The following TNK2 variants were observed in gnomAD, a reference collection of about 807,000 sequenced individuals.
TNK2 encodes the protein activated CDC42 kinase 1.
Under a neutral mutation model 101.8 loss-of-function variants are expected in TNK2, and 83 were observed. The ratio of observed to expected loss-of-function variants is 0.82; its 90% CI spans 0.68 to 0.98. The LOEUF is 0.98. Ranked by LOEUF, TNK2 falls within the 50% of genes least tolerant of loss-of-function variation. The pLI, the probability that TNK2 is intolerant of heterozygous loss-of-function variation, is 0.00. For missense variants in TNK2, 1,665 were observed against 1,483.2 expected, an observed-to-expected ratio of 1.12 and a Z score of -2.01; for synonymous variants, 804 against 633.0, an observed-to-expected ratio of 1.27 and a Z score of -4.06.
chr3:195,881,561 G>GTCC (rs1752940992), intron 6 of TNK2, among the ~76,000 whole-genome samples: 1 of 86,484 alleles, frequency 1.2e-5, no homozygotes. Context: ...CCCTTGAAGA[G>GTCC]GACACAGCAT....
At chr3:195,905,333 G>A (rs945393291) in intron 1 of TNK2, among the ~76,000 whole-genome samples, 1 of 152,060 alleles carries the variant, frequency 6.6e-6, no homozygotes, top group Non-Finnish European at 1.5e-5. Flanking sequence ...CTGAGTAGCT[G>A]GGATTACAGG....
chr3:195,883,569 AAAGT>A (rs766098447), intron 4 of TNK2: 115 of 462,682 alleles, frequency 2.5e-4, no homozygotes, highest in Non-Finnish European at 3.8e-4. Flanking sequence ...TACCAACCAA[AAAGT>A]AAGAGATAAC....
At chr3:195,907,877 G>A (rs1761901222) in intron 1 of TNK2, among the ~76,000 whole-genome samples, 1 of 152,224 alleles carries the variant, frequency 6.6e-6, no homozygotes, top group Non-Finnish European at 1.5e-5. Flanking sequence ...AGAGACGAGA[G>A]GGCTCACCAG....
chr3:195,870,490 C>T (rs1176128211), intron 10 of TNK2: 7 of 1,050,146 alleles, frequency 6.7e-6, no homozygotes, highest in Middle Eastern at 3.2e-4. Flanking sequence ...ACCCCCCAGG[C>T]CCCCAGCCCA....
In TNK2 at chr3:195,868,633, T is replaced by G. The variant is rs1339981038; in HGVS notation, c.1665A>C (p.Pro555=). 2.5e-6 allele frequency: 4 copies of G among 1,593,426 alleles called. No homozygotes were observed. Among genetic ancestry groups the G allele is most frequent in the African/African-American group, 2.7e-5 (2 of 74,472 alleles). The change falls in exon 13 of 16, where the codon CCA becomes CCC. Residue 555 remains proline, a synonymous_variant. Transcript: ENST00000672887. The part of the protein sequence containing the change: ...SDFKRLGLRK[P]GLPRGLWLAK... ...CCAGCCACAGCCCTCGGGGCAGGCC[T>G]GGCTTCCGCAGGCCCAGCCTCTTGA...
At chr3:195,868,932 C>A in intron 12 of TNK2, 4 of 564,402 alleles carry the variant, frequency 7.1e-6, no homozygotes, top group South Asian at 6.9e-5. Flanking sequence ...CCATGTGGGC[C>A]GGTGAGCCCC....
chr3:195,892,833 TCC>T, intron 1 of TNK2: 2 of 779,152 alleles, frequency 2.6e-6, no homozygotes, highest in Non-Finnish European at 3.2e-6. Flanking sequence ...TCTCCCTCTC[TCC>T]CTCCCTCCCC....
intron 1 of TNK2, among the ~76,000 whole-genome samples, chr3:195,907,116 C>T (rs1030611100): frequency 1.3e-5 from 2 of 152,228 alleles, no homozygotes; most frequent in African/African-American, 2.4e-5. Flanking sequence ...AAAACGCCGA[C>T]CTGAAATAAG....
Position 195,908,469 on chromosome 3 carries a change from G to A in TNK2, c.-19+16C>T, listed in dbSNP as rs1159361363. The A allele has an allele frequency of 2.0e-5, 3 of 152,648 alleles. No homozygotes were observed. Among genetic ancestry groups the A allele is most frequent in the Admixed American group, 2.0e-4 (3 of 15,282 alleles). 9.5% of individuals were successfully genotyped at this position (152,648 alleles called of 1,614,324 possible). ...CAAGCACACCAACTCCAGCTAACAG[G>A]ACTGGGCTTCCTTACCTGCCGCCTT... On this transcript the variant is annotated intron_variant, in intron 1 of 15. Transcript: ENST00000672887.
intron 10 of TNK2, chr3:195,870,524 G>C: frequency 1.5e-6 from 1 of 676,304 alleles, no homozygotes; most frequent in Non-Finnish European, 2.2e-6. Context: ...CCAGAGGGCA[G>C]ACACTCCTGT....
intron 1 of TNK2, among the ~76,000 whole-genome samples, chr3:195,903,055 A>C (rs1160882647): frequency 2.7e-5 from 4 of 146,458 alleles, no homozygotes; most frequent in Admixed American, 6.8e-5. Context: ...CGGCCAGCTA[A>C]CACCACTTTT....
At chr3:195,879,440 T>C in intron 6 of TNK2, 2 of 370,728 alleles carry the variant, frequency 5.4e-6, no homozygotes, top group Admixed American at 4.1e-5. Context: ...CAGAGAAGCA[T>C]GGAAAGGAAG....
intron 6 of TNK2, 118 bp from the exon 7 acceptor site, chr3:195,879,293 A>G (rs901865734): frequency 3.5e-5 from 53 of 1,495,324 alleles, no homozygotes; most frequent in Non-Finnish European, 4.6e-5. Context: ...CAGGTTCAAC[A>G]GTGGGTCTCA....
rs763174254 is a variant in TNK2, at chr3:195,867,164, G to A, written c.3033+5C>T. 1.6e-5 allele frequency: 25 copies of A among 1,612,302 alleles called. No individual in the cohort carries two copies. Among genetic ancestry groups the A allele is most frequent in the South Asian group, 1.1e-4 (10 of 91,044 alleles). On this transcript the variant is annotated splice_donor_5th_base_variant and intron_variant, in intron 14 of 15. Coordinates refer to ENST00000672887, the MANE Select transcript of TNK2 (RefSeq NM_001382273.1). The stretch of plus-strand genomic sequence containing the variant: ...AGAGCCAGAGTGAGCAGGAGGTGGC[G>A]GTACCTTCAGATACTGGGCAGCCCT...
chr3:195,887,914 A>ATGCGTGTGTGCACGTGCG (rs1756698767), intron 2 of TNK2, among the ~76,000 whole-genome samples: 1 of 131,666 alleles, frequency 7.6e-6, no homozygotes, highest in East Asian at 2.2e-4. Context: ...GTGCACGTGC[A>ATGCGTGTGTGCACGTGCG]TGCGTGCGTG....
rs1741662514 is a variant in TNK2, at chr3:195,867,461, C to T, written c.2837G>A (p.Gly946Glu). The T allele has an allele frequency of 2.5e-6, 4 of 1,587,516 alleles. No homozygotes were observed. Among genetic ancestry groups the T allele is most frequent in the Admixed American group, 1.7e-5 (1 of 58,082 alleles). ...ANFSTNNSNP[G>E]ARPPPPRATA... ...GGCCCTCGGGGGTGGTGGCCGGGCC[C>T]CTGGGTTGCTGTTGTTGGTGGAGAA... The change falls in exon 13 of 16, where the codon GGG (glycine) becomes GAG (glutamate). Residue 946 changes from glycine to glutamate, a missense_variant. Physicochemically the swap from Gly to Glu is moderately conservative, Grantham distance 98. Around this residue, in one of 3 missense-constraint regions of TNK2, gnomAD observed 1,136 missense variants for 894.9 expected, o/e 1.27. Coordinates refer to ENST00000672887, the MANE Select transcript of TNK2 (RefSeq NM_001382273.1).
chr3:195,907,393 C>T (rs535081967), intron 1 of TNK2, among the ~76,000 whole-genome samples: 1 of 152,346 alleles, frequency 6.6e-6, no homozygotes, highest in South Asian at 2.1e-4. Flanking sequence ...GGAGAGCACC[C>T]AGTCTGGTTC....
chr3:195,878,499 G>A lies in TNK2; in HGVS notation c.1108C>T (p.His370Tyr), dbSNP rs1428155517. 11 of 1,613,952 alleles carry A rather than the reference G, an allele frequency of 6.8e-6. No homozygotes were observed. Among genetic ancestry groups the A allele is most frequent in the Non-Finnish European group, 7.6e-6 (9 of 1,180,042 alleles). Reference sequence around the variant, plus strand: ...AACGTGGGTCTGTCCTCTGGCTTGTGAGCCCAGCACTGGACCATGACGTTG... The same window carrying A: ...AACGTGGGTCTGTCCTCTGGCTTGTAAGCCCAGCACTGGACCATGACGTTG... ...IYNVMVQCWA[H>Y]KPEDRPTFVA... is the part of the protein sequence containing the mutation. Residue 370 changes from histidine to tyrosine, a missense_variant, in exon 8 of 16, where the codon CAC becomes TAC. Transcript: ENST00000672887. This position sits in a 1 kb window ranked among gnomAD's most constrained non-coding sequence, Gnocchi z 4.7.
At chr3:195,899,202 C>G (rs1472230813) in intron 1 of TNK2, among the ~76,000 whole-genome samples, 1 of 152,236 alleles carries the variant, frequency 6.6e-6, no homozygotes, top group African/African-American at 2.4e-5. Context: ...AGATCCAAGT[C>G]AAATGCCATC....
Sources: gnomAD v4.1 joint callset for allele counts (sites outside exome capture counted in the v4.1 genomes callset) on GRCh38, gnomAD v4.1.1 for gene constraint, gnomAD v4.1.1 regional missense constraint, Gnocchi (gnomAD v3.1) non-coding constraint, MANE v1.5 for transcripts, NCBI Gene and HGNC (gene_info 2026-07-23, HGNC 2026-07-21) for gene names.